SMURF2: variants seen among roughly 807,000 people sequenced by gnomAD.
The protein encoded by SMURF2 is E3 ubiquitin-protein ligase SMURF2.
In SMURF2, 48 loss-of-function variants were observed where a neutral mutation model predicts 109.6. The observed-to-expected ratio is 0.44, with a 90% CI of 0.35 to 0.56. The LOEUF (loss-of-function observed/expected upper bound fraction) is 0.56. Among genes scored for constraint, SMURF2 ranks in the 20% least tolerant of loss-of-function variants. The probability of loss-of-function intolerance (pLI) is 0.01; values close to 1 mark genes in which losing one functional copy is unlikely to be tolerated. For missense variants in SMURF2, 575 were observed against 909.0 expected, an observed-to-expected ratio of 0.63 and a Z score of 4.72; for synonymous variants, 288 against 317.1, an observed-to-expected ratio of 0.91 and a Z score of 0.97.
intron 7 of SMURF2, among the ~76,000 whole-genome samples, chr17:64,582,476 T>C (rs1322864546): frequency 1.3e-5 from 2 of 152,248 alleles, no homozygotes; most frequent in African/African-American, 4.8e-5. Flanking sequence ...AAAATTTATC[T>C]TGCATCCCAA....
intron 1 of SMURF2, among the ~76,000 whole-genome samples, chr17:64,608,078 TTAACTC>T (rs1432061084): frequency 4.0e-5 from 6 of 151,660 alleles, no homozygotes; most frequent in Non-Finnish European, 8.8e-5. Context: ...TAAAACTTCT[TTAACTC>T]AAACTTGATA....
intron 16 of SMURF2, among the ~76,000 whole-genome samples, chr17:64,549,984 T>A (rs1405851769): frequency 6.6e-6 from 1 of 152,178 alleles, no homozygotes; most frequent in Non-Finnish European, 1.5e-5. Flanking sequence ...TTTAATGACA[T>A]AAAAGACACC....
rs1255613484 is a variant in SMURF2, at chr17:64,542,888, CTA to C, written c.*2958_*2959del. The stretch of plus-strand genomic sequence containing the variant: ...CAAAATGTACACTATACACTATACA[CTA>C]TGCACTATTTAAAAACTACACCAAG... On this transcript the variant is annotated 3_prime_UTR_variant, in exon 19 of 19. Coordinates refer to ENST00000262435, the MANE Select transcript of SMURF2 (RefSeq NM_022739.4). 1 of 152,194 alleles carries C rather than the reference CTA, an allele frequency of 6.6e-6. No individual in the cohort carries two copies. The highest frequency in any genetic ancestry group is 1.5e-5 in the Non-Finnish European group (1 of 68,046). 9.4% of individuals were successfully genotyped at this position (152,194 alleles called of 1,614,324 possible).
At chr17:64,659,590 G>A (rs1031650444) in intron 1 of SMURF2, among the ~76,000 whole-genome samples, 5 of 150,398 alleles carry the variant, frequency 3.3e-5, no homozygotes, top group African/African-American at 1.2e-4. Flanking sequence ...AAGATGGACT[G>A]AGAAGTTGGG....
chr17:64,619,444 C>T (rs905998917), intron 1 of SMURF2, among the ~76,000 whole-genome samples: 1 of 144,644 alleles, frequency 6.9e-6, no homozygotes, highest in Non-Finnish European at 1.5e-5. Flanking sequence ...TACCACTGCA[C>T]TCCCGCCTGG....
intron 1 of SMURF2, among the ~76,000 whole-genome samples, chr17:64,646,857 A>G (rs1237799975): frequency 5.9e-5 from 9 of 152,146 alleles, no homozygotes; most frequent in African/African-American, 2.2e-4. Flanking sequence ...GCCTCTCACC[A>G]CAATGTACTA....
chr17:64,563,853 C>T (rs2144608674), intron 10 of SMURF2, among the ~76,000 whole-genome samples: 1 of 152,292 alleles, frequency 6.6e-6, no homozygotes, highest in Admixed American at 6.5e-5. Context: ...AGTGATCCTC[C>T]TGCCTCAGCC....
chr17:64,634,211 T>C (rs1458056162), intron 1 of SMURF2, among the ~76,000 whole-genome samples: 1 of 152,138 alleles, frequency 6.6e-6, no homozygotes, highest in African/African-American at 2.4e-5. Context: ...AGCTAAGTAA[T>C]ACAAGGGGGC....
intron 1 of SMURF2, among the ~76,000 whole-genome samples, chr17:64,647,624 T>C (rs995155345): frequency 1.9e-4 from 28 of 149,044 alleles, no homozygotes; most frequent in African/African-American, 6.5e-4. Flanking sequence ...GAGGTTGCGG[T>C]GAGCCGAGAT....
At chr17:64,624,370 G>T (rs1330997514) in intron 1 of SMURF2, among the ~76,000 whole-genome samples, 1 of 149,828 alleles carries the variant, frequency 6.7e-6, no homozygotes, top group Non-Finnish European at 1.5e-5. Flanking sequence ...GTCTTGCTCT[G>T]TCATCCAAAC....
intron 13 of SMURF2, 28 bp from the exon 14 acceptor site, chr17:64,556,026 G>C (rs781867960): frequency 6.7e-7 from 1 of 1,497,104 alleles, no homozygotes; most frequent in East Asian, 2.3e-5. Context: ...ATATATACTC[G>C]TTAGGCACTA....
chr17:64,573,826 A>G (rs1380950549), intron 9 of SMURF2, among the ~76,000 whole-genome samples: 1 of 152,222 alleles, frequency 6.6e-6, no homozygotes, highest in Non-Finnish European at 1.5e-5. Context: ...AATGGTTTAG[A>G]AATGAAAAAC....
At chr17:64,594,914 C>T (rs552264634) in intron 3 of SMURF2, among the ~76,000 whole-genome samples, 5 of 151,948 alleles carry the variant, frequency 3.3e-5, no homozygotes, top group Admixed American at 6.6e-5. Flanking sequence ...CACTTGAACC[C>T]GGGAGGCGGA....
At chr17:64,588,622 GTTTT>G (rs1383744919) in intron 5 of SMURF2, among the ~76,000 whole-genome samples, 6 of 148,532 alleles carry the variant, frequency 4.0e-5, no homozygotes, top group African/African-American at 1.6e-4. Context: ...TTTGTTTTTT[GTTTT>G]TTTGTTTTTT....
chr17:64,552,493 G>C (rs1969059548), intron 15 of SMURF2, among the ~76,000 whole-genome samples: 1 of 152,098 alleles, frequency 6.6e-6, no homozygotes, highest in Admixed American at 6.5e-5. Flanking sequence ...CCGTATTTTT[G>C]TTTGTTGGGT....
At chr17:64,631,946 G>A (rs551097114) in intron 1 of SMURF2, among the ~76,000 whole-genome samples, 16 of 83,040 alleles carry the variant, frequency 1.9e-4, no homozygotes, top group South Asian at 4.3e-4. Flanking sequence ...ATTATTCTAA[G>A]ACTCTCTTTT....
At chr17:64,642,951 C>T (rs1309734988) in intron 1 of SMURF2, among the ~76,000 whole-genome samples, 4 of 152,082 alleles carry the variant, frequency 2.6e-5, no homozygotes, top group Admixed American at 6.6e-5. Context: ...TGCACCACCA[C>T]GCCTGGCTAA....
Position 64,547,123 on chromosome 17 carries a change from G to A in SMURF2, c.2071+477C>T, listed in dbSNP as rs144043830. Among the ~76,000 whole-genome samples, 4 of 152,310 alleles carry A rather than the reference G, an allele frequency of 2.6e-5. No homozygotes were observed. Among genetic ancestry groups the A allele is most frequent in the African/African-American group, 7.2e-5 (3 of 41,574 alleles). ...AAACCATTCTTAAAAAAGGAATATG[G>A]TTGTAAACAAATGGTCTGATGCCAT... On this transcript the variant is annotated intron_variant, in intron 17 of 18. Coordinates refer to ENST00000262435, the MANE Select transcript of SMURF2 (RefSeq NM_022739.4). This position sits in a 1 kb window ranked among gnomAD's most constrained non-coding sequence, Gnocchi z 4.2.
At chr17:64,621,987 A>ATAATAATAATAATAAT (rs1555690691) in intron 1 of SMURF2, among the ~76,000 whole-genome samples, 1 of 132,546 alleles carries the variant, frequency 7.5e-6, no homozygotes, top group African/African-American at 2.7e-5. Context: ...AATAATAATA[A>ATAATAATAATAATAAT]AAAAAAGCAC....
Sources: gnomAD v4.1 joint callset for allele counts (sites outside exome capture counted in the v4.1 genomes callset) on GRCh38, gnomAD v4.1.1 for gene constraint, Gnocchi (gnomAD v3.1) non-coding constraint, MANE v1.5 for transcripts, NCBI Gene and HGNC (gene_info 2026-07-23, HGNC 2026-07-21) for gene names.